The following UGT8 variants were observed in gnomAD, a reference collection of about 807,000 sequenced individuals.
UGT8 encodes 2-hydroxyacylsphingosine 1-beta-galactosyltransferase.
A neutral mutation model predicts 40.5 loss-of-function variants in UGT8; 12 were observed. That is an observed-to-expected ratio of 0.30 (90% CI 0.19 to 0.48). The LOEUF (loss-of-function observed/expected upper bound fraction) is 0.48. Ranked by LOEUF, UGT8 falls within the 20% of genes least tolerant of loss-of-function variation. The pLI, the probability that UGT8 is intolerant of heterozygous loss-of-function variation, is 0.99. For missense variants in UGT8, 513 were observed against 648.7 expected (o/e 0.79, Z 2.27); for synonymous variants, 224 against 240.4 (o/e 0.93, Z 0.63).
intron 1 of UGT8, among the ~76,000 whole-genome samples, chr4:114,612,218 TA>T (rs900482757): frequency 5.9e-5 from 9 of 151,454 alleles, no homozygotes; most frequent in East Asian, 3.9e-4. Context: ...CTCAGTTTAT[TA>T]AAAAAAAACA....
intron 2 of UGT8, among the ~76,000 whole-genome samples, chr4:114,661,104 G>A (rs1734504720): frequency 1.3e-5 from 2 of 151,688 alleles, no homozygotes; most frequent in Admixed American, 1.3e-4. Flanking sequence ...TGGTATATTT[G>A]GTATATTTCT....
Position 114,676,891 on chromosome 4 carries a change from TG to T in UGT8, c.*604del, listed in dbSNP as rs1735691451. 6.6e-6 allele frequency: 1 copy of T among 151,730 alleles called. No individual in the cohort carries two copies. The highest frequency in any genetic ancestry group is 6.6e-5 in the Admixed American group (1 of 15,258). 9.4% of individuals were successfully genotyped at this position (151,730 alleles called of 1,614,324 possible). A position where few individuals can be genotyped will look rare whatever the true frequency, so the allele number is the denominator to read the frequency against. ...AAAAAAAAGAAATGGCACAGTTTTTTGTATTTTTTTTTTTAGTTATTTTTTG... is the reference window on the plus strand; with the variant it reads ...AAAAAAAAGAAATGGCACAGTTTTTTTATTTTTTTTTTTAGTTATTTTTTG... On this transcript the variant is annotated 3_prime_UTR_variant, in exon 6 of 6. Coordinates refer to ENST00000310836, the MANE Select transcript of UGT8 (RefSeq NM_001128174.3).
chr4:114,622,004 G>A (rs1274967917), intron 1 of UGT8, among the ~76,000 whole-genome samples: 1 of 151,816 alleles, frequency 6.6e-6, no homozygotes, highest in African/African-American at 2.4e-5. Context: ...TGCACAATGT[G>A]CAGGTTAGTT....
chr4:114,616,576 G>A (rs1005456136), intron 1 of UGT8, among the ~76,000 whole-genome samples: 1 of 151,954 alleles, frequency 6.6e-6, no homozygotes, highest in Non-Finnish European at 1.5e-5. Context: ...ACCCTACTTC[G>A]GCTCATGCTC....
intron 1 of UGT8, among the ~76,000 whole-genome samples, chr4:114,621,774 A>T (rs2126096780): frequency 6.6e-6 from 1 of 152,266 alleles, no homozygotes; most frequent in East Asian, 1.9e-4. Flanking sequence ...TTACTGATTC[A>T]ATTTTCTTCC....
At chr4:114,604,078 G>A (rs544238009) in intron 1 of UGT8, among the ~76,000 whole-genome samples, 50 of 152,300 alleles carry the variant, frequency 3.3e-4, no homozygotes, top group African/African-American at 1.2e-3. Flanking sequence ...CCTCAAGAGC[G>A]TTGCAGAGAT....
chr4:114,613,440 T>C (rs964061200), intron 1 of UGT8, among the ~76,000 whole-genome samples: 3 of 152,176 alleles, frequency 2.0e-5, no homozygotes, highest in Admixed American at 6.5e-5. Context: ...AACTACTATA[T>C]GTGTTTACTA....
intron 2 of UGT8, among the ~76,000 whole-genome samples, chr4:114,631,705 G>A (rs1732588614): frequency 6.6e-6 from 1 of 152,186 alleles, no homozygotes; most frequent in Non-Finnish European, 1.5e-5. Context: ...GCCACTATTT[G>A]AGAACCATTA....
At chr4:114,639,763 A>G (rs1733095866) in intron 2 of UGT8, among the ~76,000 whole-genome samples, 1 of 152,232 alleles carries the variant, frequency 6.6e-6, no homozygotes, top group South Asian at 2.1e-4. Flanking sequence ...TGAAATGTAA[A>G]ACAATAAACA....
At position 114,645,535 on chromosome 4, in the gene UGT8, T is replaced by TA. The variant is rs569422447; in HGVS notation, c.823-18459dup. Among the ~76,000 whole-genome samples the TA allele has an allele frequency of 1.7e-4, 26 of 152,328 alleles. 1 individual carries two copies. In the South Asian group the frequency reaches 5.4e-3, roughly 32 times the overall value. On this transcript the variant is annotated intron_variant, in intron 2 of 5. Transcript: ENST00000310836. ...TACACATAATATTTTTTTGTGCTTC[T>TA]ATATCACATTGTTAGAAAAATACCA...
In UGT8 at chr4:114,598,810, GAGCCCTCC is replaced by G. The variant is rs1730252924; in HGVS notation, c.-166_-159del. On this transcript the variant is annotated 5_prime_UTR_variant, in exon 1 of 6. Transcript: ENST00000310836. ...CATTGCTATCAACTGTGAACCCAGAGAGCCCTCCTTAGCCAACACGCTAACTCCGAAGC... is the reference window on the plus strand; with the variant it reads ...CATTGCTATCAACTGTGAACCCAGAGTTAGCCAACACGCTAACTCCGAAGC... 6.6e-6 allele frequency: 1 copy of G among 152,312 alleles called. No homozygotes were observed. Among genetic ancestry groups the G allele is most frequent in the Non-Finnish European group, 1.5e-5 (1 of 68,130 alleles). The allele number at this position is 152,312 out of a possible 1,614,324, so 9.4% of individuals were successfully genotyped here. A position where few individuals can be genotyped will look rare whatever the true frequency, so the allele number is the denominator to read the frequency against.
At chr4:114,604,540 A>G (rs1354105360) in intron 1 of UGT8, among the ~76,000 whole-genome samples, 2 of 148,070 alleles carry the variant, frequency 1.4e-5, no homozygotes, top group Non-Finnish European at 3.0e-5. Flanking sequence ...TTCTGTTTGG[A>G]TGAAGTGATG....
intron 1 of UGT8, among the ~76,000 whole-genome samples, chr4:114,608,813 A>G (rs899460227): frequency 2.6e-5 from 4 of 152,184 alleles, no homozygotes; most frequent in Admixed American, 6.5e-5. Flanking sequence ...TTACATTTCA[A>G]TGTAAGTATG....
chr4:114,658,690 C>T (rs1734335972), intron 2 of UGT8, among the ~76,000 whole-genome samples: 1 of 141,450 alleles, frequency 7.1e-6, no homozygotes. Context: ...ATGTGTTTTA[C>T]ATTGGCCACA....
At chr4:114,661,732 G>T (rs2126130377) in intron 2 of UGT8, among the ~76,000 whole-genome samples, 1 of 152,284 alleles carries the variant, frequency 6.6e-6, no homozygotes, top group African/African-American at 2.4e-5. Flanking sequence ...TCTAACTCAG[G>T]AAATAGGAGT....
At chr4:114,672,366 A>C (rs1020268159) in intron 5 of UGT8, among the ~76,000 whole-genome samples, 3 of 152,232 alleles carry the variant, frequency 2.0e-5, no homozygotes, top group Non-Finnish European at 4.4e-5. Flanking sequence ...AGACACAAGC[A>C]CACGTATGTT....
chr4:114,651,541 A>G (rs771128604), intron 2 of UGT8, among the ~76,000 whole-genome samples: 8 of 152,080 alleles, frequency 5.3e-5, no homozygotes, highest in African/African-American at 1.7e-4. Flanking sequence ...AAATACACTG[A>G]TAAGGGTTTT....
intron 1 of UGT8, among the ~76,000 whole-genome samples, chr4:114,620,495 A>G (rs1001202487): frequency 6.6e-6 from 1 of 152,244 alleles, no homozygotes; most frequent in Non-Finnish European, 1.5e-5. Context: ...TTTTTCTAAG[A>G]TCAGCTCCTT....
chr4:114,617,763 TGTG>T lies in UGT8; in HGVS notation c.-2-5111_-2-5109del, dbSNP rs1281284838. On this transcript the variant is annotated intron_variant, in intron 1 of 5. Coordinates refer to ENST00000310836, the MANE Select transcript of UGT8 (RefSeq NM_001128174.3). ...TTAACAGTAAGAATTTGGTTAGAAT[TGTG>T]GTGGATTCAAAGGCTGACAGTAAAC... Among the ~76,000 whole-genome samples, 4 of 152,288 alleles carry T rather than the reference TGTG, an allele frequency of 2.6e-5. No homozygotes were observed. The South Asian group carries it at 8.3e-4, about 32-fold the overall frequency.
Sources: gnomAD v4.1 joint callset for allele counts (sites outside exome capture counted in the v4.1 genomes callset) on GRCh38, gnomAD v4.1.1 for gene constraint, MANE v1.5 for transcripts, NCBI Gene and HGNC (gene_info 2026-07-23, HGNC 2026-07-21) for gene names.